The following STXBP2 variants were observed in gnomAD, a reference collection of about 807,000 sequenced individuals.
STXBP2 encodes syntaxin binding protein 2, also known as syntaxin-binding protein 2.
STXBP2 carries 47 observed loss-of-function variants against 72.2 expected under a neutral mutation model. The ratio of observed to expected loss-of-function variants is 0.65; its 90% CI spans 0.51 to 0.83. STXBP2 has a LOEUF of 0.83. Among genes scored for constraint, STXBP2 ranks in the 40% least tolerant of loss-of-function variants. The probability of loss-of-function intolerance (pLI) is 0.00; values close to 1 mark genes in which losing one functional copy is unlikely to be tolerated. For synonymous variants in STXBP2, 367 were observed against 338.7 expected, an observed-to-expected ratio of 1.08 and a Z score of -0.92; for missense variants, 702 against 807.6, an observed-to-expected ratio of 0.87 and a Z score of 1.58.
In STXBP2 at chr19:7,642,707, C is replaced by A; in HGVS notation, c.903-59C>A. On this transcript the variant is annotated intron_variant, in intron 10 of 18. Coordinates refer to ENST00000221283, the MANE Select transcript of STXBP2 (RefSeq NM_006949.4). This position sits in a 1 kb window ranked among gnomAD's most constrained non-coding sequence, Gnocchi z 6.0. ...TCTCCCTGTCCCCCCTGAGTGGGCT[C>A]ACCCATGGCCTGTGGCTCCTCTCCC... is the stretch of plus-strand genomic sequence containing the variant. The A allele has an allele frequency of 1.9e-6, 3 of 1,578,722 alleles. No homozygotes were observed. Among genetic ancestry groups the A allele is most frequent in the Non-Finnish European group, 2.6e-6 (3 of 1,150,484 alleles).
At chr19:7,640,606 C>T (rs1406036611) in intron 4 of STXBP2, 125 bp from the exon 5 acceptor site, 4 of 1,265,860 alleles carry the variant, frequency 3.2e-6, no homozygotes, top group East Asian at 2.4e-5. Context: ...TGCATTTGCA[C>T]ATATACATGT....
In STXBP2 at chr19:7,642,972, T is replaced by C; in HGVS notation, c.961-11T>C. The C allele has an allele frequency of 6.2e-7, 1 of 1,614,018 alleles. No homozygotes were observed. Among genetic ancestry groups the C allele is most frequent in the South Asian group, 1.1e-5 (1 of 91,080 alleles). ...CCCCCAATCCCTACCCTCTTCCCCC[T>C]ACTTCCCCAGGCGAACATCAAAGAC... On this transcript the variant is annotated splice_polypyrimidine_tract_variant and intron_variant, in intron 11 of 18. Coordinates refer to ENST00000221283, the MANE Select transcript of STXBP2 (RefSeq NM_006949.4). This position sits in a 1 kb window ranked among gnomAD's most constrained non-coding sequence, Gnocchi z 6.0.
upstream of STXBP2, chr19:7,632,666 C>T (rs777619396): frequency 1.9e-6 from 3 of 1,553,998 alleles, no homozygotes; most frequent in East Asian, 2.4e-5. The surrounding 1 kb of genome is among the most constrained non-coding windows in gnomAD (Gnocchi z 5.2). Flanking sequence ...TTGCCCTGCA[C>T]TCCCACCCCG....
chr19:7,646,182 C>T (rs778476241), intron 15 of STXBP2, 67 bp from the exon 16 acceptor site: 12 of 1,389,898 alleles, frequency 8.6e-6, no homozygotes, highest in Non-Finnish European at 1.2e-5. Context: ...CCACACCAGG[C>T]GCAGCCCCTC....
At chr19:7,640,176 CTGTCTG>C (rs979700906) in intron 4 of STXBP2, 9 of 407,056 alleles carry the variant, frequency 2.2e-5, no homozygotes, top group Non-Finnish European at 2.9e-5. Context: ...GTGTGTGCGT[CTGTCTG>C]TGTGCATGTG....
At chr19:7,640,373 T>C (rs1261406043) in intron 4 of STXBP2, 1 of 575,080 alleles carries the variant, frequency 1.7e-6, no homozygotes, top group South Asian at 1.6e-5. Context: ...TATGCGTGTG[T>C]GTGCGCATCA....
chr19:7,632,363 TCTC>T, upstream of STXBP2: 1 of 1,612,616 alleles, frequency 6.2e-7, no homozygotes, highest in Non-Finnish European at 8.5e-7. This position sits in a 1 kb window ranked among gnomAD's most constrained non-coding sequence, Gnocchi z 5.2. Flanking sequence ...CTGGCGGGTT[TCTC>T]CTCGACATCG....
In STXBP2 at chr19:7,646,595, G is replaced by A. The variant is rs1236037083; in HGVS notation, c.1452+251G>A. ...CGGCTGCCTCCGCTATATCTCTCTA[G>A]TCTGTTCCCCTGTCCCGCAGGAGTG... is the stretch of plus-strand genomic sequence containing the variant. On this transcript the variant is annotated intron_variant, in intron 16 of 18. Transcript: ENST00000221283. The A allele has an allele frequency of 5.1e-6, 3 of 582,946 alleles. No homozygotes were observed. The East Asian group carries it at 9.0e-5, about 18-fold the overall frequency. 36.1% of individuals were successfully genotyped at this position (582,946 alleles called of 1,614,324 possible).
Position 7,646,287 on chromosome 19 carries a change from C to A in STXBP2, c.1395C>A (p.Arg465=). Residue 465 remains arginine (R), a synonymous_variant, in exon 16 of 19, where the codon CGC becomes CGA. Transcript: ENST00000221283. ...CCAGCCGGCTGGAGCCGAGAGAACG[C>A]ATGGAGCCCACCTATCAGCTGTCCC... is the stretch of plus-strand genomic sequence containing the variant. ...GTSSRLEPRE[R]MEPTYQLSRW... 6.2e-7 allele frequency: 1 copy of A among 1,611,528 alleles called. No homozygotes were observed. The highest frequency in any genetic ancestry group is 1.1e-5 in the South Asian group (1 of 90,420).
At chr19:7,640,178 G>A in intron 4 of STXBP2, 1 of 530,100 alleles carries the variant, frequency 1.9e-6, no homozygotes, top group Non-Finnish European at 3.6e-6. Flanking sequence ...GTGTGCGTCT[G>A]TCTGTGTGCA....
intron 13 of STXBP2, 135 bp from the exon 14 acceptor site, chr19:7,644,479 G>T (rs1469993551): frequency 8.0e-7 from 1 of 1,249,406 alleles, no homozygotes; most frequent in East Asian, 2.5e-5. Flanking sequence ...GTGGGACCTT[G>T]AGAGACCTGG....
chr19:7,632,535 G>C, upstream of STXBP2: 1 of 1,611,448 alleles, frequency 6.2e-7, no homozygotes, highest in East Asian at 2.2e-5. The surrounding 1 kb of genome is among the most constrained non-coding windows in gnomAD (Gnocchi z 5.2). Flanking sequence ...GACGTTCACA[G>C]ACTTGGGAGG....
chr19:7,631,500 A>T, the STXBP2 span: 1 of 1,535,940 alleles, frequency 6.5e-7, no homozygotes, highest in Non-Finnish European at 8.7e-7. Context: ...ATTCAAAGAG[A>T]GGTTACGGAA....
chr19:7,640,931 C>G lies in STXBP2; in HGVS notation c.357C>G (p.Gly119=). ...CCGAGCCCCTGTTCAGTGAGCTAGG[C>G]CGCTCTCGTCTGGCAAAGGTGGTGA... ...TCPEPLFSEL[G]RSRLAKVVKT... Residue 119 remains glycine (G), a synonymous_variant, in exon 6 of 19, where the codon GGC becomes GGG. Transcript: ENST00000221283. The G allele has an allele frequency of 6.2e-7, 1 of 1,614,224 alleles. No homozygotes were observed. The highest frequency in any genetic ancestry group is 8.5e-7 in the Non-Finnish European group (1 of 1,180,024).
chr19:7,645,331 G>C lies in STXBP2; in HGVS notation c.1356+25G>C, dbSNP rs1352550701. ...GGTACGCCAGGAGCGGGCATGGGGG[G>C]ACCCTGGGAGAGGGTGCGGATCACA... On this transcript the variant is annotated intron_variant, in intron 15 of 18. Coordinates refer to ENST00000221283, the MANE Select transcript of STXBP2 (RefSeq NM_006949.4). The C allele has an allele frequency of 1.9e-6, 3 of 1,554,196 alleles. No individual in the cohort carries two copies. In the Admixed American group the frequency reaches 5.7e-5, roughly 30 times the overall value.
At chr19:7,644,928 CACTG>C in intron 14 of STXBP2, 176 bp downstream of exon 14, 1 of 1,462,524 alleles carries the variant, frequency 6.8e-7, no homozygotes, top group Non-Finnish European at 9.0e-7. Flanking sequence ...GGGATTCCTC[CACTG>C]AGGTGAGGGC....
upstream of STXBP2, among the ~76,000 whole-genome samples, chr19:7,634,223 T>A (rs548945389): frequency 1.9e-4 from 29 of 152,306 alleles, no homozygotes; most frequent in South Asian, 6.0e-3. Context: ...AGGACGTCCC[T>A]GCCTTTTCCC....
chr19:7,643,708 T>C (rs2031993551), intron 13 of STXBP2, among the ~76,000 whole-genome samples: 1 of 144,774 alleles, frequency 6.9e-6, no homozygotes, highest in African/African-American at 2.6e-5. Flanking sequence ...GGGCGGAGCC[T>C]TGGAGAGGTG....
intron 14 of STXBP2, 175 bp from the exon 15 acceptor site, chr19:7,645,022 A>G (rs915900144): frequency 1.1e-5 from 16 of 1,455,082 alleles, no homozygotes; most frequent in Middle Eastern, 2.5e-4. Context: ...GGAGCCCCTG[A>G]TCTACCCCCT....
Sources: allele counts gnomAD v4.1 joint callset (sites outside exome capture counted in the v4.1 genomes callset), GRCh38; gene constraint gnomAD v4.1.1; non-coding constraint Gnocchi (gnomAD v3.1); transcripts MANE v1.5; gene names NCBI Gene and HGNC (gene_info 2026-07-23, HGNC 2026-07-21).